The following SLC24A3 variants were observed in gnomAD, a reference collection of about 807,000 sequenced individuals.
SLC24A3 encodes solute carrier family 24 member 3.
In SLC24A3, 28 loss-of-function variants were observed where a neutral mutation model predicts 75.8. That is an observed-to-expected ratio of 0.37 (90% confidence interval 0.27 to 0.51). The LOEUF (loss-of-function observed/expected upper bound fraction) is 0.51. Among genes scored for constraint, SLC24A3 ranks in the 20% least tolerant of loss-of-function variants. SLC24A3 has a pLI of 0.94. For missense variants in SLC24A3, 663 were observed against 847.8 expected, an observed-to-expected ratio of 0.78 and a Z score of 2.71; for synonymous variants, 372 against 334.1, an observed-to-expected ratio of 1.11 and a Z score of -1.24.
At chr20:19,316,603 A>T (rs752607799) in intron 2 of SLC24A3, among the ~76,000 whole-genome samples, 4 of 152,238 alleles carry the variant, frequency 2.6e-5, no homozygotes, top group Non-Finnish European at 5.9e-5. Context: ...GCCATAAATC[A>T]GCCAGACACC....
At chr20:19,629,967 C>T (rs970654966) in intron 6 of SLC24A3, among the ~76,000 whole-genome samples, 1 of 152,140 alleles carries the variant, frequency 6.6e-6, no homozygotes, top group South Asian at 2.1e-4. Flanking sequence ...ATATGAAGCT[C>T]TCTGGTAAAG....
chr20:19,503,518 T>C (rs1229203611), intron 2 of SLC24A3, among the ~76,000 whole-genome samples: 1 of 152,224 alleles, frequency 6.6e-6, no homozygotes, highest in Non-Finnish European at 1.5e-5. Flanking sequence ...ATTTGCAGAT[T>C]CTTTAGTGCT....
chr20:19,215,923 A>C (rs1015232774), intron 1 of SLC24A3, among the ~76,000 whole-genome samples: 17 of 152,236 alleles, frequency 1.1e-4, no homozygotes, highest in African/African-American at 3.9e-4. Flanking sequence ...AATTTAGGTC[A>C]GGAAGAATTA....
intron 2 of SLC24A3, among the ~76,000 whole-genome samples, chr20:19,454,041 C>G (rs1356886605): frequency 1.3e-5 from 2 of 152,242 alleles, no homozygotes; most frequent in Non-Finnish European, 2.9e-5. Flanking sequence ...TCCTTGAAGC[C>G]TGACCAGCCT....
At position 19,515,512 on chromosome 20, in the gene SLC24A3, T is replaced by C; in HGVS notation, c.296T>C (p.Ile99Thr). Residue 99 changes from isoleucine (I) to threonine (T), a missense_variant, in exon 3 of 17, where the codon ATC becomes ACC. This residue lies in a region of SLC24A3 where 153 missense variants were observed against 144.2 expected (regional missense o/e 1.06). Transcript: ENST00000328041. ...EPALHEFPND[I>T]FTNEDRRQGA... Reference sequence around the variant, plus strand: ...GCCCTGCATGAATTCCCCAATGACATCTTCACAAACGAGGATAGAAGACAA... The same window carrying C: ...GCCCTGCATGAATTCCCCAATGACACCTTCACAAACGAGGATAGAAGACAA... The C allele has an allele frequency of 6.2e-7, 1 of 1,614,186 alleles. No individual in the cohort carries two copies. The highest frequency in any genetic ancestry group is 8.5e-7 in the Non-Finnish European group (1 of 1,180,006).
At chr20:19,568,483 T>C (rs576070140) in intron 3 of SLC24A3, among the ~76,000 whole-genome samples, 1 of 152,324 alleles carries the variant, frequency 6.6e-6, no homozygotes. Flanking sequence ...TTGAATATAT[T>C]ATGCTAAGTG....
chr20:19,715,142 G>T (rs1252639793), intron 15 of SLC24A3, among the ~76,000 whole-genome samples: 1 of 152,216 alleles, frequency 6.6e-6, no homozygotes, highest in African/African-American at 2.4e-5. Flanking sequence ...TTGCCATCTT[G>T]CTCTGAGGAG....
intron 2 of SLC24A3, among the ~76,000 whole-genome samples, chr20:19,483,748 G>C (rs1009431963): frequency 6.6e-6 from 1 of 152,162 alleles, no homozygotes; most frequent in African/African-American, 2.4e-5. Context: ...TTGCAACTGT[G>C]GGGCCAGGTT....
intron 6 of SLC24A3, among the ~76,000 whole-genome samples, chr20:19,614,274 A>G (rs1303217389): frequency 2.6e-5 from 4 of 152,260 alleles, no homozygotes; most frequent in Non-Finnish European, 5.9e-5. Context: ...TAATAGCTTT[A>G]CCTCATGGAG....
chr20:19,436,969 A>G (rs1465895547), intron 2 of SLC24A3, among the ~76,000 whole-genome samples: 2 of 152,210 alleles, frequency 1.3e-5, no homozygotes, highest in Non-Finnish European at 2.9e-5. Flanking sequence ...AGGTGTACCC[A>G]CGAAAAGAGA....
At chr20:19,478,333 AG>A (rs1987996326) in intron 2 of SLC24A3, among the ~76,000 whole-genome samples, 1 of 152,180 alleles carries the variant, frequency 6.6e-6, no homozygotes. Flanking sequence ...TGACCTGATC[AG>A]GTCTGTAAAT....
At chr20:19,438,715 A>T (rs1011742426) in intron 2 of SLC24A3, among the ~76,000 whole-genome samples, 1 of 152,178 alleles carries the variant, frequency 6.6e-6, no homozygotes, top group African/African-American at 2.4e-5. Context: ...GTGGACAGCA[A>T]TCTGCTCATT....
chr20:19,691,719 GA>G (rs2122132063), intron 12 of SLC24A3, among the ~76,000 whole-genome samples: 1 of 152,250 alleles, frequency 6.6e-6, no homozygotes, highest in African/African-American at 2.4e-5. Context: ...AAAAGAAAGG[GA>G]AAGATCAAGA....
chr20:19,293,895 T>A (rs1286123833), intron 2 of SLC24A3, among the ~76,000 whole-genome samples: 1 of 151,724 alleles, frequency 6.6e-6, no homozygotes, highest in Non-Finnish European at 1.5e-5. Context: ...GGTCCCTTGG[T>A]ATCCACGGGG....
chr20:19,501,972 A>C (rs1185994262), intron 2 of SLC24A3, among the ~76,000 whole-genome samples: 2 of 152,158 alleles, frequency 1.3e-5, no homozygotes, highest in African/African-American at 4.8e-5. Flanking sequence ...AAGTTTGGGG[A>C]ATCTTTAATG....
At chr20:19,544,874 A>G (rs2122591290) in intron 3 of SLC24A3, among the ~76,000 whole-genome samples, 1 of 152,316 alleles carries the variant, frequency 6.6e-6, no homozygotes, top group Admixed American at 6.5e-5. Flanking sequence ...AAGCATGGCC[A>G]CCATGAACTT....
chr20:19,659,839 G>A (rs967496523), intron 7 of SLC24A3, among the ~76,000 whole-genome samples: 1 of 152,154 alleles, frequency 6.6e-6, no homozygotes, highest in Non-Finnish European at 1.5e-5. Context: ...TGTTAGAGAC[G>A]AGGGTTACCT....
At chr20:19,680,057 G>A (rs1036722992) in intron 9 of SLC24A3, among the ~76,000 whole-genome samples, 2 of 151,000 alleles carry the variant, frequency 1.3e-5, no homozygotes, top group Admixed American at 6.6e-5. Context: ...GTGTGTGTCT[G>A]TGTGCTGTGT....
chr20:19,527,957 G>A (rs1269689497), intron 3 of SLC24A3, among the ~76,000 whole-genome samples: 2 of 152,170 alleles, frequency 1.3e-5, no homozygotes, highest in Non-Finnish European at 2.9e-5. Context: ...GTTTGTAAAT[G>A]TGGCTTTGGT....
Sources: gnomAD v4.1 joint callset for allele counts (sites outside exome capture counted in the v4.1 genomes callset) on GRCh38, gnomAD v4.1.1 for gene constraint, gnomAD v4.1.1 regional missense constraint, MANE v1.5 for transcripts, NCBI Gene and HGNC (gene_info 2026-07-23, HGNC 2026-07-21) for gene names.